LRMDA: variants seen among roughly 807,000 people sequenced by gnomAD.
The protein encoded by LRMDA is leucine rich melanocyte differentiation associated.
In LRMDA, 18 loss-of-function variants were observed where a neutral mutation model predicts 29.8. That is an observed-to-expected ratio of 0.60 (90% CI 0.42 to 0.90). The LOEUF is 0.90. Ranked by LOEUF, LRMDA falls within the 40% of genes least tolerant of loss-of-function variation. The pLI is 0.00. For missense variants in LRMDA, 273 were observed against 273.9 expected, an observed-to-expected ratio of 1.00 and a Z score of 0.02; for synonymous variants, 125 against 109.4, an observed-to-expected ratio of 1.14 and a Z score of -0.89.
intron 2 of LRMDA, among the ~76,000 whole-genome samples, chr10:75,964,237 A>G (rs1846818243): frequency 6.6e-6 from 1 of 152,224 alleles, no homozygotes; most frequent in Non-Finnish European, 1.5e-5. Flanking sequence ...TATGCAGAAA[A>G]TATGTTACTG....
chr10:76,106,974 T>A (rs7920628), intron 5 of LRMDA, among the ~76,000 whole-genome samples: 1 of 151,986 alleles, frequency 6.6e-6, no homozygotes, highest in Non-Finnish European at 1.5e-5. Context: ...TCTAAAATAT[T>A]CCCCCTGGAG....
intron 5 of LRMDA, among the ~76,000 whole-genome samples, chr10:76,181,977 G>T (rs1248658711): frequency 2.0e-5 from 3 of 152,172 alleles, no homozygotes; most frequent in Admixed American, 6.5e-5. Flanking sequence ...TATTTCTGCT[G>T]AATACAGAAG....
chr10:76,530,581 A>G (rs1182672508), intron 6 of LRMDA, among the ~76,000 whole-genome samples: 2 of 152,166 alleles, frequency 1.3e-5, no homozygotes, highest in Non-Finnish European at 2.9e-5. Context: ...AGCTATGATG[A>G]TGACTGTAAT....
chr10:75,456,136 T>C (rs1379965524), intron 2 of LRMDA, among the ~76,000 whole-genome samples: 1 of 152,200 alleles, frequency 6.6e-6, no homozygotes. Context: ...ATTTTCACCC[T>C]GGAGTGACAG....
intron 2 of LRMDA, among the ~76,000 whole-genome samples, chr10:75,616,294 T>A (rs955120322): frequency 2.7e-5 from 4 of 146,246 alleles, no homozygotes; most frequent in Non-Finnish European, 4.4e-5. Flanking sequence ...GTAGTAGTAG[T>A]AGTGGTGGTG....
At chr10:75,895,346 T>C (rs1240631092) in intron 2 of LRMDA, among the ~76,000 whole-genome samples, 2 of 152,208 alleles carry the variant, frequency 1.3e-5, no homozygotes, top group African/African-American at 4.8e-5. Flanking sequence ...GAATATTGAT[T>C]GAGCCCTCAC....
At chr10:76,036,275 G>GTCT (rs1848244347) in intron 3 of LRMDA, 141 bp downstream of exon 3, 17 of 875,782 alleles carry the variant, frequency 1.9e-5, no homozygotes, top group African/African-American at 1.9e-4. Flanking sequence ...TACAGTTCGT[G>GTCT]GGCAGACAAA....
At chr10:76,125,209 C>T (rs75319726) in intron 5 of LRMDA, among the ~76,000 whole-genome samples, 2,205 of 152,248 alleles carry the variant, frequency 0.014, 28 homozygotes, top group Non-Finnish European at 0.021. Context: ...CAATAGAAAT[C>T]GCTGTTTCCA....
At chr10:76,114,881 C>G (rs960696889) in intron 5 of LRMDA, among the ~76,000 whole-genome samples, 3 of 152,176 alleles carry the variant, frequency 2.0e-5, no homozygotes, top group African/African-American at 4.8e-5. Context: ...GCTTGCTTGT[C>G]CCCCCTGAAG....
At chr10:76,403,122 T>C (rs2132498905) in intron 6 of LRMDA, 1 of 151,780 alleles carries the variant, frequency 6.6e-6, no homozygotes, top group African/African-American at 2.4e-5. Flanking sequence ...GATAGCTCTG[T>C]CCTAATCTCT....
intron 2 of LRMDA, among the ~76,000 whole-genome samples, chr10:75,551,275 T>G (rs530998279): frequency 1.2e-4 from 18 of 151,948 alleles, no homozygotes; most frequent in Non-Finnish European, 2.5e-4. Context: ...CCAGGAGATA[T>G]GTAGGTGTAG....
At chr10:75,752,611 A>G (rs1842982272) in intron 2 of LRMDA, among the ~76,000 whole-genome samples, 1 of 152,154 alleles carries the variant, frequency 6.6e-6, no homozygotes. Flanking sequence ...TACACTAATG[A>G]CACAGTTTTG....
intron 5 of LRMDA, among the ~76,000 whole-genome samples, chr10:76,074,852 C>G (rs1371658522): frequency 6.6e-6 from 1 of 152,058 alleles, no homozygotes; most frequent in Non-Finnish European, 1.5e-5. Context: ...ACAAACAGTC[C>G]CAGATCCCGG....
chr10:75,613,715 G>A (rs1015467398), intron 2 of LRMDA, among the ~76,000 whole-genome samples: 1 of 152,176 alleles, frequency 6.6e-6, no homozygotes, highest in Admixed American at 6.5e-5. Flanking sequence ...TCGTGCAGGG[G>A]AGATGTTAGC....
chr10:76,524,822 G>T (rs1199382926), intron 6 of LRMDA, among the ~76,000 whole-genome samples: 1 of 152,196 alleles, frequency 6.6e-6, no homozygotes, highest in African/African-American at 2.4e-5. Flanking sequence ...AGACACAGGA[G>T]AGCAATGGCT....
chr10:75,882,540 GAT>G (rs1412178081), intron 2 of LRMDA: 1 of 152,186 alleles, frequency 6.6e-6, no homozygotes, highest in Non-Finnish European at 1.5e-5. Flanking sequence ...AAAAGATAAA[GAT>G]ATATGTCTTT....
intron 2 of LRMDA, among the ~76,000 whole-genome samples, chr10:75,848,115 T>G (rs539834909): frequency 6.6e-6 from 1 of 152,214 alleles, no homozygotes. Flanking sequence ...TTCTCACTTA[T>G]GTTCATTGCA....
At chr10:75,860,126 A>G (rs1323870355) in intron 2 of LRMDA, among the ~76,000 whole-genome samples, 2 of 152,076 alleles carry the variant, frequency 1.3e-5, no homozygotes, top group Non-Finnish European at 2.9e-5. Flanking sequence ...AGTATTAAAA[A>G]TAGTGTCTAA....
At chr10:76,007,992 C>G (rs1394283604) in intron 2 of LRMDA, among the ~76,000 whole-genome samples, 1 of 152,200 alleles carries the variant, frequency 6.6e-6, no homozygotes, top group Non-Finnish European at 1.5e-5. Context: ...TGTGGGGATA[C>G]TTGGCTCTCT....
Sources: gnomAD v4.1 joint callset for allele counts (sites outside exome capture counted in the v4.1 genomes callset) on GRCh38, gnomAD v4.1.1 for gene constraint, MANE v1.5 for transcripts, NCBI Gene and HGNC (gene_info 2026-07-23, HGNC 2026-07-21) for gene names.